Variants in TMEM132D observed in about 807,000 individuals in gnomAD.
The protein encoded by TMEM132D is mature OL transmembrane protein.
In TMEM132D, 21 loss-of-function variants were observed where a neutral mutation model predicts 62.3. The observed-to-expected ratio is 0.34, with a 90% CI of 0.24 to 0.49. The LOEUF (loss-of-function observed/expected upper bound fraction) is 0.49. TMEM132D is among the 20% of genes least tolerant of loss of function. TMEM132D has a pLI of 0.99. For synonymous variants in TMEM132D, 621 were observed against 575.6 expected, an observed-to-expected ratio of 1.08 and a Z score of -1.13; for missense variants, 1,346 against 1,402.8, an observed-to-expected ratio of 0.96 and a Z score of 0.65.
chr12:129,171,839 C>G (rs1877743567), intron 5 of TMEM132D, among the ~76,000 whole-genome samples: 1 of 152,214 alleles, frequency 6.6e-6, no homozygotes, highest in Non-Finnish European at 1.5e-5. Context: ...GTTCCATTTA[C>G]AGAGCACAGG....
chr12:129,490,489 C>A lies in TMEM132D; in HGVS notation c.1115+40570G>T, dbSNP rs191639182. The stretch of plus-strand genomic sequence containing the variant: ...TGTCTCCCAGCCTGGAGTGCAGTGG[C>A]GCGATCTCGGCTCACTGCAAGCTCC... On this transcript the variant is annotated intron_variant, in intron 3 of 8. Coordinates refer to ENST00000422113, the MANE Select transcript of TMEM132D (RefSeq NM_133448.3). Among the ~76,000 whole-genome samples, 129 of 132,602 alleles carry A rather than the reference C, an allele frequency of 9.7e-4. No homozygotes were observed. The East Asian group carries it at 0.022, about 23-fold the overall frequency. 87.0% of individuals were successfully genotyped at this position (132,602 alleles called of 152,430 possible).
At chr12:129,772,144 T>C (rs1427708146) in intron 1 of TMEM132D, among the ~76,000 whole-genome samples, 1 of 152,176 alleles carries the variant, frequency 6.6e-6, no homozygotes, top group Non-Finnish European at 1.5e-5. Flanking sequence ...AAACTCCCTT[T>C]GTGTGATAAA....
In TMEM132D at chr12:129,188,762, G is replaced by A. The variant is rs77059302; in HGVS notation, c.1443+20758C>T. On this transcript the variant is annotated intron_variant, in intron 5 of 8. Coordinates refer to ENST00000422113, the MANE Select transcript of TMEM132D (RefSeq NM_133448.3). ...AGGAGGGAGAGGGGGAGGGAGAGAG[G>A]GAGAGAGAGAGAGAGAGAGAGAGAG... Among the ~76,000 whole-genome samples the A allele has an allele frequency of 4.9e-4, 62 of 126,290 alleles. 4 individuals carry two copies. The highest frequency in any genetic ancestry group is 2.1e-3 in the East Asian group (7 of 3,312). The allele number at this position is 126,290 out of a possible 152,430, so 82.9% of individuals were successfully genotyped here.
rs544487074 is a variant in TMEM132D, at chr12:129,241,485, C to T, written c.1300-31822G>A. ...ATCTGTGTCTGCATGCCCTCTCCTA[C>T]GGCAGATTCTTTGTGTATGCTATTT... is the stretch of plus-strand genomic sequence containing the variant. On this transcript the variant is annotated intron_variant, in intron 4 of 8. Coordinates refer to ENST00000422113, the MANE Select transcript of TMEM132D (RefSeq NM_133448.3). Among the ~76,000 whole-genome samples, 14 of 152,238 alleles carry T rather than the reference C, an allele frequency of 9.2e-5. No individual in the cohort carries two copies. In the East Asian group the frequency reaches 9.7e-4, roughly 11 times the overall value.
chr12:129,196,474 T>C (rs1435410147), intron 5 of TMEM132D, among the ~76,000 whole-genome samples: 1 of 152,208 alleles, frequency 6.6e-6, no homozygotes, highest in Non-Finnish European at 1.5e-5. Flanking sequence ...GGGGAGGTCA[T>C]GTGGTTTCTT....
intron 5 of TMEM132D, among the ~76,000 whole-genome samples, chr12:129,149,225 TG>T (rs1877002631): frequency 1.7e-5 from 1 of 57,758 alleles, no homozygotes; most frequent in African/African-American, 6.5e-5. Flanking sequence ...CAGGGCCTGT[TG>T]GGGGGTGGGG....
chr12:129,255,119 T>C (rs1438500911), intron 4 of TMEM132D, among the ~76,000 whole-genome samples: 1 of 152,206 alleles, frequency 6.6e-6, no homozygotes, highest in African/African-American at 2.4e-5. Flanking sequence ...GAGACGTGTC[T>C]GGTCCCCCTT....
rs74325452 is a variant in TMEM132D, at chr12:129,591,376, C to T, written c.969-60171G>A. On this transcript the variant is annotated intron_variant, in intron 2 of 8. Coordinates refer to ENST00000422113, the MANE Select transcript of TMEM132D (RefSeq NM_133448.3). Reference sequence around the variant, plus strand: ...TCATCAAACAGCAATAATTTCAGAACAGAGGAACTGTGCTTTGGAAGAAGG... The same window carrying T: ...TCATCAAACAGCAATAATTTCAGAATAGAGGAACTGTGCTTTGGAAGAAGG... Among the ~76,000 whole-genome samples, 1,196 of 152,304 alleles carry T rather than the reference C, an allele frequency of 7.9e-3. 10 individuals carry two copies. The highest frequency in any genetic ancestry group is 0.027 in the African/African-American group (1,141 of 41,562).
chr12:129,684,107 C>T (rs74786769), intron 2 of TMEM132D, among the ~76,000 whole-genome samples: 3,325 of 152,136 alleles, frequency 0.022, 169 homozygotes, highest in South Asian at 0.12. Context: ...CTATAAATCC[C>T]CCCAAATAAT....
intron 1 of TMEM132D, among the ~76,000 whole-genome samples, chr12:129,862,764 G>A (rs1873937409): frequency 6.6e-6 from 1 of 151,842 alleles, no homozygotes. Context: ...TTACCCCCAT[G>A]TTGGATAAAA....
intron 1 of TMEM132D, among the ~76,000 whole-genome samples, chr12:129,734,653 T>A (rs992268319): frequency 6.6e-6 from 1 of 152,140 alleles, no homozygotes; most frequent in Non-Finnish European, 1.5e-5. Context: ...ATCAAAATAC[T>A]TATGTATATT....
chr12:129,585,465 T>C (rs1218905473), intron 2 of TMEM132D, among the ~76,000 whole-genome samples: 2 of 152,204 alleles, frequency 1.3e-5, no homozygotes, highest in African/African-American at 2.4e-5. Context: ...AGGAGCGCTG[T>C]CATTGGTTGG....
intron 2 of TMEM132D, among the ~76,000 whole-genome samples, chr12:129,575,424 C>T (rs914138920): frequency 6.6e-6 from 1 of 151,826 alleles, no homozygotes; most frequent in African/African-American, 2.4e-5. Context: ...TGTTAGACAT[C>T]TCTCACTAAA....
intron 2 of TMEM132D, among the ~76,000 whole-genome samples, chr12:129,642,620 G>A (rs1472437712): frequency 6.6e-6 from 1 of 152,170 alleles, no homozygotes; most frequent in Non-Finnish European, 1.5e-5. Context: ...ACCTAATTCT[G>A]AGCTTATTCT....
intron 1 of TMEM132D, among the ~76,000 whole-genome samples, chr12:129,846,788 G>A (rs1873376772): frequency 6.6e-6 from 1 of 152,208 alleles, no homozygotes; most frequent in South Asian, 2.1e-4. Flanking sequence ...TTCAGTTCTA[G>A]AATTTTTATT....
At chr12:129,738,123 T>G (rs1036436635) in intron 1 of TMEM132D, among the ~76,000 whole-genome samples, 1 of 152,234 alleles carries the variant, frequency 6.6e-6, no homozygotes, top group Non-Finnish European at 1.5e-5. Context: ...AAATCTTATT[T>G]TAAATGTCTC....
chr12:129,147,316 A>G (rs1197915877), intron 5 of TMEM132D, among the ~76,000 whole-genome samples: 1 of 150,344 alleles, frequency 6.7e-6, no homozygotes, highest in Non-Finnish European at 1.5e-5. Context: ...ATATGTGTAT[A>G]TGTATATATA....
At chr12:129,392,839 G>C (rs1871324436) in intron 3 of TMEM132D, among the ~76,000 whole-genome samples, 1 of 152,158 alleles carries the variant, frequency 6.6e-6, no homozygotes, top group African/African-American at 2.4e-5. Flanking sequence ...AAAACTACCA[G>C]GTAATTCAAG....
chr12:129,560,752 AG>A (rs1280720244), intron 2 of TMEM132D, among the ~76,000 whole-genome samples: 1 of 152,224 alleles, frequency 6.6e-6, no homozygotes, highest in Non-Finnish European at 1.5e-5. Context: ...TTGCTCACCA[AG>A]GGTGGGTGAC....
Sources: allele counts gnomAD v4.1 joint callset (sites outside exome capture counted in the v4.1 genomes callset), GRCh38; gene constraint gnomAD v4.1.1; transcripts MANE v1.5; gene names NCBI Gene and HGNC (gene_info 2026-07-23, HGNC 2026-07-21).